The following CAMK2B variants were observed in gnomAD, a reference collection of about 807,000 sequenced individuals.
CAMK2B encodes calcium/calmodulin dependent protein kinase II beta, also known as calcium/calmodulin-dependent protein kinase type II subunit beta.
CAMK2B carries 27 observed loss-of-function variants against 93.7 expected under a neutral mutation model. That is an observed-to-expected ratio of 0.29 (90% CI 0.21 to 0.40). The LOEUF is 0.40. Ranked by LOEUF, CAMK2B falls within the 10% of genes least tolerant of loss-of-function variation. The pLI, the probability that CAMK2B is intolerant of heterozygous loss-of-function variation, is 1.00. For synonymous variants in CAMK2B, 374 were observed against 358.8 expected (o/e 1.04, Z -0.48); for missense variants, 568 against 895.8 (o/e 0.63, Z 4.67).
chr7:44,325,476 C>G lies in CAMK2B; in HGVS notation c.-55G>C. On this transcript the variant is annotated 5_prime_UTR_variant, in exon 1 of 24. Transcript: ENST00000395749. ...CGGCTGCGCTCGGGCGGCGGCGACT[C>G]CGGCTCCCGCTCGCGGGCACGGCGG... 1 of 989,634 alleles carries G rather than the reference C, an allele frequency of 1.0e-6. No homozygotes were observed. Among genetic ancestry groups the G allele is most frequent in the Non-Finnish European group, 1.2e-6 (1 of 821,736 alleles). The allele number at this position is 989,634 out of a possible 1,614,324, so 61.3% of individuals were successfully genotyped here.
chr7:44,310,797 T>C (rs1333001053), intron 1 of CAMK2B, among the ~76,000 whole-genome samples: 1 of 151,970 alleles, frequency 6.6e-6, no homozygotes, highest in Non-Finnish European at 1.5e-5. Flanking sequence ...GGGAAGGGAA[T>C]GGGGAGTCGG....
intron 2 of CAMK2B, among the ~76,000 whole-genome samples, chr7:44,267,656 AAG>A (rs1359229754): frequency 2.0e-5 from 3 of 152,156 alleles, no homozygotes; most frequent in Non-Finnish European, 4.4e-5. Flanking sequence ...GGGGGTGGCT[AAG>A]AGAGACGCTG....
chr7:44,297,966 A>G (rs1028413452), intron 1 of CAMK2B, among the ~76,000 whole-genome samples: 27 of 152,340 alleles, frequency 1.8e-4, no homozygotes, highest in African/African-American at 6.0e-4. Flanking sequence ...TCTATTAAAA[A>G]TACAAAAATT....
At chr7:44,317,906 G>T (rs1795203462) in intron 1 of CAMK2B, among the ~76,000 whole-genome samples, 1 of 152,178 alleles carries the variant, frequency 6.6e-6, no homozygotes. Context: ...CCTCTGCAGA[G>T]TCTAGGTATG....
Position 44,234,577 on chromosome 7 carries a change from C to A in CAMK2B, c.1059+62G>T, listed in dbSNP as rs555523212. The A allele has an allele frequency of 4.9e-5, 78 of 1,603,542 alleles. 1 individual carries two copies. In the South Asian group the frequency reaches 8.4e-4, roughly 17 times the overall value. ...GGACTCCAGAGCAGGAGCCCCAGGG[C>A]GTGGGGGTGAAGCTGCAGGCTCTGG... On this transcript the variant is annotated intron_variant, in intron 14 of 23. Transcript: ENST00000395749.
At chr7:44,233,189 G>A (rs941396988) in intron 15 of CAMK2B, among the ~76,000 whole-genome samples, 7 of 152,254 alleles carry the variant, frequency 4.6e-5, no homozygotes, top group East Asian at 3.9e-4. Context: ...AGCCAGGCTC[G>A]GTCTTGAGGG....
chr7:44,242,258 C>G lies in CAMK2B; in HGVS notation c.779G>C (p.Arg260Pro). Reference sequence around the variant, plus strand: ...CTTCAGGGCCTCATGGGCTGTGATGCGCTTGGCAGGGTTGATGGTCAGCAT... The same window carrying G: ...CTTCAGGGCCTCATGGGCTGTGATGGGCTTGGCAGGGTTGATGGTCAGCAT... ...NQMLTINPAKRITAHEALKHP... is the reference protein window; with the variant it reads ...NQMLTINPAKPITAHEALKHP... The change falls in exon 10 of 24, where the codon CGC becomes CCC. Residue 260 changes from arginine (R) to proline (P), a missense_variant. This residue lies in a region of CAMK2B where 105 missense variants were observed against 372.4 expected (regional missense o/e 0.28). Transcript: ENST00000395749. 1 of 1,614,026 alleles carries G rather than the reference C, an allele frequency of 6.2e-7. No homozygotes were observed. Among genetic ancestry groups the G allele is most frequent in the South Asian group, 1.1e-5 (1 of 91,082 alleles).
intron 1 of CAMK2B, among the ~76,000 whole-genome samples, chr7:44,322,306 T>C (rs1324672872): frequency 1.3e-5 from 2 of 152,204 alleles, no homozygotes; most frequent in Non-Finnish European, 2.9e-5. Flanking sequence ...TGTGTAAATG[T>C]ACCCGAAAGA....
Position 44,243,079 on chromosome 7 carries a change from G to C in CAMK2B, c.601+171C>G, listed in dbSNP as rs113782372. ...AGCAATTCTAATCTGGGTGGAAAGG[G>C]GGCTCTTGGCTGTGTGGGCAGACCC... On this transcript the variant is annotated intron_variant, in intron 8 of 23. Coordinates refer to ENST00000395749, the MANE Select transcript of CAMK2B (RefSeq NM_001220.5). Among the ~76,000 whole-genome samples, 1,277 of 152,336 alleles carry C rather than the reference G, an allele frequency of 8.4e-3. 11 individuals are homozygous for C. The highest frequency in any genetic ancestry group is 0.026 in the African/African-American group (1,095 of 41,570).
intron 1 of CAMK2B, among the ~76,000 whole-genome samples, chr7:44,319,778 G>A (rs1314279411): frequency 2.0e-5 from 3 of 152,170 alleles, no homozygotes; most frequent in African/African-American, 4.8e-5. Flanking sequence ...TGGCCAACGC[G>A]TATGCACACA....
Position 44,219,083 on chromosome 7 carries a change from G to C in CAMK2B, c.*442C>G, listed in dbSNP as rs2096365537. 6.6e-6 allele frequency: 1 copy of C among 152,282 alleles called. No individual in the cohort carries two copies. The allele number at this position is 152,282 out of a possible 1,614,324, so 9.4% of individuals were successfully genotyped here. On this transcript the variant is annotated 3_prime_UTR_variant, in exon 24 of 24. Coordinates refer to ENST00000395749, the MANE Select transcript of CAMK2B (RefSeq NM_001220.5). ...GCCCATGCGTTGGCAGGAGGATGCAGACACCTTAGGTGTGGGGTGTGTGCG... is the reference window on the plus strand; with the variant it reads ...GCCCATGCGTTGGCAGGAGGATGCACACACCTTAGGTGTGGGGTGTGTGCG...
Position 44,317,661 on chromosome 7 carries a change from G to C in CAMK2B, c.65+7696C>G, listed in dbSNP as rs578091545. Among the ~76,000 whole-genome samples the C allele has an allele frequency of 3.3e-5, 5 of 151,820 alleles. No individual in the cohort carries two copies. The East Asian group carries it at 9.7e-4, about 29-fold the overall frequency. On this transcript the variant is annotated intron_variant, in intron 1 of 23. Coordinates refer to ENST00000395749, the MANE Select transcript of CAMK2B (RefSeq NM_001220.5). The stretch of plus-strand genomic sequence containing the variant: ...TCACCTGTTTCTTTTTTTTCTTTAC[G>C]TACTAGAAAATTTTTAATCACACAT...
chr7:44,308,972 C>G (rs1792716885), intron 1 of CAMK2B, among the ~76,000 whole-genome samples: 1 of 152,232 alleles, frequency 6.6e-6, no homozygotes, highest in Admixed American at 6.5e-5. Context: ...GCTGCGGTGA[C>G]CAGCCTGGCT....
chr7:44,303,718 G>T (rs1464992365), intron 1 of CAMK2B, among the ~76,000 whole-genome samples: 3 of 152,156 alleles, frequency 2.0e-5, no homozygotes, highest in African/African-American at 7.2e-5. Context: ...AGTGCCAAAA[G>T]CACAATTCAT....
At chr7:44,229,783 GGCCACCCT>G (rs1166001173) in intron 17 of CAMK2B, 2 of 344,590 alleles carry the variant, frequency 5.8e-6, no homozygotes, top group Non-Finnish European at 1.0e-5. Context: ...CAGAGTCAGA[GGCCACCCT>G]GCCACCCTAG....
chr7:44,241,573 C>G, intron 11 of CAMK2B, 127 bp downstream of exon 11: 1 of 725,398 alleles, frequency 1.4e-6, no homozygotes, highest in South Asian at 1.7e-5. Flanking sequence ...CTGGGACTTG[C>G]TAACAGTCAG....
intron 1 of CAMK2B, among the ~76,000 whole-genome samples, chr7:44,301,123 CTTTATTA>C (rs1007763438): frequency 1.5e-4 from 23 of 151,970 alleles, no homozygotes; most frequent in African/African-American, 5.6e-4. Context: ...CAAAGGCAGT[CTTTATTA>C]TTTATTTATT....
chr7:44,221,093 G>A (rs1334577942), intron 20 of CAMK2B, 192 bp from the exon 21 acceptor site: 1 of 585,368 alleles, frequency 1.7e-6, no homozygotes, highest in Non-Finnish European at 3.0e-6. Context: ...AAGTGCAACA[G>A]CTTCCATCTT....
chr7:44,235,350 G>A (rs1271572684), intron 13 of CAMK2B, among the ~76,000 whole-genome samples: 2 of 152,230 alleles, frequency 1.3e-5, no homozygotes, highest in African/African-American at 4.8e-5. Flanking sequence ...AGGCCTTTCT[G>A]CCCACAAGCC....
Sources: allele counts gnomAD v4.1 joint callset (sites outside exome capture counted in the v4.1 genomes callset), GRCh38; gene constraint gnomAD v4.1.1; regional missense constraint gnomAD v4.1.1; transcripts MANE v1.5; gene names NCBI Gene and HGNC (gene_info 2026-07-23, HGNC 2026-07-21).